SNAPC5: variants seen among roughly 807,000 people sequenced by gnomAD.
SNAPC5 encodes the protein small nuclear RNA activating complex polypeptide 5.
SNAPC5 carries 12 observed loss-of-function variants against 9.1 expected under a neutral mutation model. That is an observed-to-expected ratio of 1.32 (90% CI 0.85 to 2.15). SNAPC5 has a LOEUF of 2.15. Among genes scored for constraint, SNAPC5 ranks in the 30% most tolerant of loss-of-function variants. SNAPC5 has a pLI of 0.00. For missense variants in SNAPC5, 132 were observed against 114.4 expected, an observed-to-expected ratio of 1.15 and a Z score of -0.70; for synonymous variants, 52 against 47.3, an observed-to-expected ratio of 1.10 and a Z score of -0.41.
chr15:66,491,082 G>C (rs918732191), downstream of SNAPC5: 4 of 349,180 alleles, frequency 1.1e-5, no homozygotes, highest in African/African-American at 8.3e-5. Flanking sequence ...ATGCTTTGCT[G>C]CTATGAAAAT....
chr15:66,494,532 A>G lies in SNAPC5; in HGVS notation c.201T>C (p.Asn67=), dbSNP rs772409883. The part of the protein sequence containing the change: ...QSHDMLVHVD[N]EASINQTTLE... ...GGGTTGTTTGGTTGATTGATGCTTC[A>G]TTGTCTACATGCACCAACATCTGTA... Residue 67 remains asparagine, a synonymous_variant, in exon 3 of 3, where the codon AAT becomes AAC. Transcript: ENST00000316634. 1.1e-5 allele frequency: 17 copies of G among 1,613,690 alleles called. No individual in the cohort carries two copies. Among genetic ancestry groups the G allele is most frequent in the Non-Finnish European group, 1.4e-5 (17 of 1,179,714 alleles).
chr15:66,497,613 G>A, intron 1 of SNAPC5, 29 bp downstream of exon 1: 2 of 1,599,896 alleles, frequency 1.3e-6, no homozygotes, highest in Non-Finnish European at 8.6e-7. Context: ...GAGGAATGGA[G>A]GAGGGGCAGG....
At chr15:66,497,221 A>C (rs923157331) in intron 1 of SNAPC5, among the ~76,000 whole-genome samples, 6 of 152,172 alleles carry the variant, frequency 3.9e-5, no homozygotes, top group Non-Finnish European at 8.8e-5. Context: ...CTGGCTTGGC[A>C]AAACTAGAGC....
intron 1 of SNAPC5, among the ~76,000 whole-genome samples, chr15:66,496,018 C>A (rs998333699): frequency 3.3e-5 from 5 of 151,268 alleles, no homozygotes; most frequent in Non-Finnish European, 1.5e-5. Context: ...GTCAGGAGAT[C>A]GAGAACATCC....
chr15:66,489,868 T>G, downstream of SNAPC5: 1 of 977,074 alleles, frequency 1.0e-6, no homozygotes, highest in South Asian at 1.3e-5. Context: ...CCCTGCCCAC[T>G]GTGGTCCAGC....
rs774831146 is a variant in SNAPC5, at chr15:66,494,390, T to C, written c.*46A>G. 7.6e-7 allele frequency: 1 copy of C among 1,324,278 alleles called. No homozygotes were observed. Among genetic ancestry groups the C allele is most frequent in the Admixed American group, 1.7e-5 (1 of 59,396 alleles). 82.0% of individuals were successfully genotyped at this position (1,324,278 alleles called of 1,614,324 possible). A position where few individuals can be genotyped will look rare whatever the true frequency, so the allele number is the denominator to read the frequency against. ...CCTTGAGGAGAAGTAGCCTGAGCCT[T>C]AGAAATGCAATTTGTATAACTGACC... is the stretch of plus-strand genomic sequence containing the variant. On this transcript the variant is annotated 3_prime_UTR_variant, in exon 3 of 3. Coordinates refer to ENST00000316634, the MANE Select transcript of SNAPC5 (RefSeq NM_001329615.2).
intron 2 of SNAPC5, chr15:66,495,061 G>T (rs748070282): frequency 4.2e-6 from 2 of 471,098 alleles, no homozygotes; most frequent in African/African-American, 1.9e-5. Context: ...ACTCTCCCCC[G>T]GGTTCATCTG....
At chr15:66,490,663 A>G (rs761330415), downstream of SNAPC5, 13 of 1,482,504 alleles carry the variant, frequency 8.8e-6, no homozygotes, top group Admixed American at 1.7e-5. Flanking sequence ...GTGGTTTGCC[A>G]TGTCGCTTTT....
intron 2 of SNAPC5, chr15:66,494,919 A>G (rs1595891844): frequency 3.2e-6 from 1 of 309,248 alleles, no homozygotes; most frequent in Non-Finnish European, 6.1e-6. Flanking sequence ...GCATTTGGTA[A>G]GAGATGAGTA....
At chr15:66,490,258 C>A (rs1312872868), downstream of SNAPC5, 26 of 635,596 alleles carry the variant, frequency 4.1e-5, no homozygotes, top group Non-Finnish European at 6.8e-5. Context: ...GGCAGAGTTA[C>A]TGTCTCCATA....
downstream of SNAPC5, chr15:66,490,353 GGCCCCACTGTT>G: frequency 1.3e-6 from 1 of 741,728 alleles, no homozygotes; most frequent in Non-Finnish European, 2.5e-6. Flanking sequence ...GCCTGCAGCT[GGCCCCACTGTT>G]GCTCAGGGGC....
chr15:66,497,271 G>C (rs1417290402), intron 1 of SNAPC5, among the ~76,000 whole-genome samples: 3 of 152,292 alleles, frequency 2.0e-5, no homozygotes, highest in Non-Finnish European at 2.9e-5. Context: ...AGCAGCTCAG[G>C]AGGAAGGGGT....
At chr15:66,490,841 T>G, downstream of SNAPC5, 1 of 606,266 alleles carries the variant, frequency 1.6e-6, no homozygotes, top group Admixed American at 2.3e-5. Context: ...TGCTTGGGGC[T>G]ATTTGTGTGT....
chr15:66,492,221 C>T (rs747469960), downstream of SNAPC5: 28 of 290,162 alleles, frequency 9.6e-5, no homozygotes, highest in Middle Eastern at 1.2e-3. Flanking sequence ...AATACCTCTC[C>T]GCTCATTATT....
chr15:66,494,615 T>G (rs551052263), intron 2 of SNAPC5, 63 bp from the exon 3 acceptor site: 1 of 1,159,560 alleles, frequency 8.6e-7, no homozygotes, highest in South Asian at 1.3e-5. Context: ...CAGCAAATTC[T>G]TAAAAATGAC....
intron 2 of SNAPC5, chr15:66,494,966 T>C (rs1337000933): frequency 5.7e-6 from 2 of 348,592 alleles, no homozygotes; most frequent in Non-Finnish European, 1.1e-5. Context: ...GCACTGTGCC[T>C]TGTACTTGAA....
chr15:66,495,376 C>T lies in SNAPC5; in HGVS notation c.134G>A (p.Gly45Glu). ...ALQSMISSRR[G>E]DEMLSSHTVP... is the part of the protein sequence containing the mutation. ...AGTGTGAGAAGACAGCATCTCATCCCCTCTTCTAGAACTGATCATTGATTG... is the reference window on the plus strand; with the variant it reads ...AGTGTGAGAAGACAGCATCTCATCCTCTCTTCTAGAACTGATCATTGATTG... The change falls in exon 2 of 3, where the codon GGG (glycine) becomes GAG (glutamate). Residue 45 changes from glycine to glutamate, a missense_variant. Physicochemically the swap from Gly to Glu is moderately conservative, Grantham distance 98. Coordinates refer to ENST00000316634, the MANE Select transcript of SNAPC5 (RefSeq NM_001329615.2). The T allele has an allele frequency of 1.2e-6, 2 of 1,609,554 alleles. No individual in the cohort carries two copies. The highest frequency in any genetic ancestry group is 8.5e-7 in the Non-Finnish European group (1 of 1,175,788).
chr15:66,495,836 C>T (rs530800316), intron 1 of SNAPC5, among the ~76,000 whole-genome samples: 1 of 152,340 alleles, frequency 6.6e-6, no homozygotes, highest in East Asian at 1.9e-4. Flanking sequence ...ATAAGGAAAT[C>T]TGGGCTTTGG....
rs1453056021 is a variant in SNAPC5, at chr15:66,495,439, G to C, written c.91-20C>G. On this transcript the variant is annotated intron_variant, in intron 1 of 2. Transcript: ENST00000316634. ...TTCAACCTAGAAAAGAAGAGTTGAG[G>C]ACACTTTTCCTTACTATTTCACTGG... 2.1e-6 allele frequency: 3 copies of C among 1,415,320 alleles called. No homozygotes were observed. Among genetic ancestry groups the C allele is most frequent in the Non-Finnish European group, 3.0e-6 (3 of 998,418 alleles). 87.7% of individuals were successfully genotyped at this position (1,415,320 alleles called of 1,614,324 possible).
Sources: gnomAD v4.1 joint callset for allele counts (sites outside exome capture counted in the v4.1 genomes callset) on GRCh38, gnomAD v4.1.1 for gene constraint, MANE v1.5 for transcripts, NCBI Gene and HGNC (gene_info 2026-07-23, HGNC 2026-07-21) for gene names.